Variants in CAMKMT observed in about 807,000 individuals in gnomAD.
CAMKMT encodes CaM KMT.
In CAMKMT, 53 loss-of-function variants were observed where a neutral mutation model predicts 48.0. The ratio of observed to expected loss-of-function variants is 1.10; its 90% CI spans 0.89 to 1.39. The LOEUF is 1.39. CAMKMT is among the 40% of genes most tolerant of loss of function. The pLI is 0.00. For synonymous variants in CAMKMT, 165 were observed against 152.3 expected (o/e 1.08, Z -0.61); for missense variants, 428 against 402.7 (o/e 1.06, Z -0.54).
At chr2:44,429,779 G>A (rs1558607348) in intron 3 of CAMKMT, among the ~76,000 whole-genome samples, 3 of 123,828 alleles carry the variant, frequency 2.4e-5, no homozygotes, top group Admixed American at 2.1e-4. Flanking sequence ...CCGCAGTCCG[G>A]CCTGGGCGAC....
chr2:44,400,445 ACTC>A (rs1278592191), intron 3 of CAMKMT, among the ~76,000 whole-genome samples: 2 of 151,850 alleles, frequency 1.3e-5, no homozygotes, highest in Non-Finnish European at 2.9e-5. Context: ...GGCACTCACC[ACTC>A]TACCCATGGA....
chr2:44,480,205 C>A (rs939695373), intron 3 of CAMKMT, among the ~76,000 whole-genome samples: 1 of 152,160 alleles, frequency 6.6e-6, no homozygotes, highest in East Asian at 1.9e-4. Context: ...TTCTGTTAGG[C>A]GACACAGAAC....
chr2:44,595,613 A>G (rs556759115), intron 3 of CAMKMT, among the ~76,000 whole-genome samples: 10 of 152,330 alleles, frequency 6.6e-5, no homozygotes, highest in African/African-American at 2.4e-4. Context: ...TGAAGCTACC[A>G]TTGACTTTCT....
chr2:44,467,382 A>T (rs1168805225), intron 3 of CAMKMT, among the ~76,000 whole-genome samples: 1 of 152,064 alleles, frequency 6.6e-6, no homozygotes, highest in Non-Finnish European at 1.5e-5. Flanking sequence ...AAATACAAAA[A>T]TTAGCCAGGC....
chr2:44,363,840 G>A (rs559839813), intron 1 of CAMKMT, among the ~76,000 whole-genome samples: 1 of 151,496 alleles, frequency 6.6e-6, no homozygotes, highest in Admixed American at 6.6e-5. Flanking sequence ...ACAGGTGCTC[G>A]CCATTACGCC....
At position 44,362,138 on chromosome 2, in the gene CAMKMT, T is replaced by A. The variant is rs756919295; in HGVS notation, c.131T>A (p.Leu44Gln). The change falls in exon 1 of 11, where the codon CTG (leucine) becomes CAG (glutamine). Residue 44 changes from leucine to glutamine, a missense_variant. Coordinates refer to ENST00000378494, the MANE Select transcript of CAMKMT (RefSeq NM_024766.5). ...APLGAARWKL[L>Q]RQVLKQKHLD... is the part of the protein sequence containing the mutation. Reference sequence around the variant, plus strand: ...CTGGGAGCCGCCCGGTGGAAGCTCCTGCGGCAGGTAAGGGAGAACCTGCTC... The same window carrying A: ...CTGGGAGCCGCCCGGTGGAAGCTCCAGCGGCAGGTAAGGGAGAACCTGCTC... 6.8e-7 allele frequency: 1 copy of A among 1,476,346 alleles called. No individual in the cohort carries two copies. The highest frequency in any genetic ancestry group is 1.3e-5 in the South Asian group (1 of 75,110). The allele number at this position is 1,476,346 out of a possible 1,614,324, so 91.5% of individuals were successfully genotyped here. A position where few individuals can be genotyped will look rare whatever the true frequency, so the allele number is the denominator to read the frequency against.
intron 3 of CAMKMT, among the ~76,000 whole-genome samples, chr2:44,538,904 T>C (rs61046724): frequency 0.21 from 32,171 of 151,592 alleles, 3,837 homozygotes; most frequent in African/African-American, 0.31. Context: ...AAATAATTGG[T>C]ATACCAATTA....
rs566509988 is a variant in CAMKMT, at chr2:44,566,934, G to A, written c.377-137349G>A. Among the ~76,000 whole-genome samples the A allele has an allele frequency of 2.6e-5, 4 of 152,304 alleles. No homozygotes were observed. In the East Asian group the frequency reaches 7.7e-4, roughly 29 times the overall value. Reference sequence around the variant, plus strand: ...CTCTGATCTGTAAATATTTCTCAGGGAGATAAGAGTCTATGGTTAAACAGT... The same window carrying A: ...CTCTGATCTGTAAATATTTCTCAGGAAGATAAGAGTCTATGGTTAAACAGT... On this transcript the variant is annotated intron_variant, in intron 3 of 10. Transcript: ENST00000378494.
intron 3 of CAMKMT, among the ~76,000 whole-genome samples, chr2:44,532,028 C>T (rs1454148663): frequency 6.6e-6 from 1 of 152,144 alleles, no homozygotes; most frequent in African/African-American, 2.4e-5. Context: ...GATTCCATTC[C>T]TTGTAGTGCT....
At chr2:44,390,164 C>T (rs913405329) in intron 2 of CAMKMT, 77 bp from the exon 3 acceptor site, 48 of 1,036,136 alleles carry the variant, frequency 4.6e-5, no homozygotes, top group Non-Finnish European at 6.6e-5. Flanking sequence ...AATATACAGT[C>T]TCAGTCTCAG....
At position 44,368,345 on chromosome 2, in the gene CAMKMT, T is replaced by C. The variant is rs187371847; in HGVS notation, c.139-4371T>C. Among the ~76,000 whole-genome samples the C allele has an allele frequency of 3.1e-3, 473 of 152,300 alleles. 3 individuals are homozygous for C. Among genetic ancestry groups the C allele is most frequent in the African/African-American group, 0.011 (457 of 41,578 alleles). On this transcript the variant is annotated intron_variant, in intron 1 of 10. Coordinates refer to ENST00000378494, the MANE Select transcript of CAMKMT (RefSeq NM_024766.5). Reference sequence around the variant, plus strand: ...CAGTTCATTAAACTACCAATATTATTGATGGCCTTAAAATAACTGAATCTT... The same window carrying C: ...CAGTTCATTAAACTACCAATATTATCGATGGCCTTAAAATAACTGAATCTT...
intron 7 of CAMKMT, among the ~76,000 whole-genome samples, chr2:44,718,774 T>A (rs1485946746): frequency 1.3e-5 from 2 of 152,246 alleles, no homozygotes; most frequent in African/African-American, 4.8e-5. Flanking sequence ...TAAGAATGTA[T>A]GTATCTTTGT....
intron 3 of CAMKMT, among the ~76,000 whole-genome samples, chr2:44,448,956 G>A (rs754753906): frequency 1.3e-5 from 2 of 152,188 alleles, no homozygotes; most frequent in Non-Finnish European, 2.9e-5. Flanking sequence ...AGAGACAGTA[G>A]ATTAGTAGTT....
At chr2:44,487,855 C>T (rs986565956) in intron 3 of CAMKMT, among the ~76,000 whole-genome samples, 4 of 152,270 alleles carry the variant, frequency 2.6e-5, no homozygotes, top group African/African-American at 7.2e-5. Flanking sequence ...GACACCACAT[C>T]TTCCTCAATG....
At chr2:44,717,693 G>A (rs1678243657) in intron 7 of CAMKMT, among the ~76,000 whole-genome samples, 1 of 152,160 alleles carries the variant, frequency 6.6e-6, no homozygotes, top group South Asian at 2.1e-4. Flanking sequence ...CCACATGTGA[G>A]CCAAATATTT....
chr2:44,384,864 C>T (rs563388228), intron 2 of CAMKMT, among the ~76,000 whole-genome samples: 29 of 152,194 alleles, frequency 1.9e-4, no homozygotes, highest in African/African-American at 4.6e-4. Flanking sequence ...ATCAGTACCA[C>T]GCTGTTTTAG....
intron 10 of CAMKMT, among the ~76,000 whole-genome samples, chr2:44,768,877 T>C (rs1425014635): frequency 6.6e-6 from 1 of 152,158 alleles, no homozygotes; most frequent in African/African-American, 2.4e-5. Flanking sequence ...CGTGTTATCC[T>C]CTTAGCCCTA....
chr2:44,475,336 G>A (rs1341636034), intron 3 of CAMKMT, among the ~76,000 whole-genome samples: 1 of 122,736 alleles, frequency 8.1e-6, no homozygotes, highest in Non-Finnish European at 1.7e-5. Flanking sequence ...TTTTTTTTTT[G>A]AGATGGAGTC....
At chr2:44,403,258 C>T (rs896164702) in intron 3 of CAMKMT, among the ~76,000 whole-genome samples, 1 of 152,056 alleles carries the variant, frequency 6.6e-6, no homozygotes, top group Non-Finnish European at 1.5e-5. Flanking sequence ...TAAGAAGAGT[C>T]CTCAGTTACT....
Sources: allele counts gnomAD v4.1 joint callset (sites outside exome capture counted in the v4.1 genomes callset), GRCh38; gene constraint gnomAD v4.1.1; transcripts MANE v1.5; gene names NCBI Gene and HGNC (gene_info 2026-07-23, HGNC 2026-07-21).